The following PIBF1 variants were observed in gnomAD, a reference collection of about 807,000 sequenced individuals.
PIBF1 encodes progesterone-induced-blocking factor 1.
PIBF1 carries 90 observed loss-of-function variants against 112.5 expected under a neutral mutation model. The ratio of observed to expected loss-of-function variants is 0.80; its 90% CI spans 0.67 to 0.95. PIBF1 has a LOEUF of 0.95. Ranked by LOEUF, PIBF1 falls within the 40% of genes least tolerant of loss-of-function variation. The pLI, the probability that PIBF1 is intolerant of heterozygous loss-of-function variation, is 0.00. For synonymous variants in PIBF1, 301 were observed against 288.6 expected, an observed-to-expected ratio of 1.04 and a Z score of -0.44; for missense variants, 915 against 852.3, an observed-to-expected ratio of 1.07 and a Z score of -0.92.
chr13:72,927,958 T>TAC (rs1375603165), intron 13 of PIBF1, among the ~76,000 whole-genome samples: 1 of 73,088 alleles, frequency 1.4e-5, no homozygotes, highest in African/African-American at 5.7e-5. Flanking sequence ...TATATATATA[T>TAC]ACACATATAT....
rs186948777 is a variant in PIBF1, at chr13:72,901,037, A to C, written c.1488+7088A>C. ...AACTCCGTCTCAAAACAAAAAGCAA[A>C]AAACAAACAAACAAACAAAAGCTAA... On this transcript the variant is annotated intron_variant, in intron 11 of 17. Transcript: ENST00000326291. 122 of 434,612 alleles carry C rather than the reference A, an allele frequency of 2.8e-4. No individual in the cohort carries two copies. The East Asian group carries it at 6.8e-3, about 24-fold the overall frequency. The allele number at this position is 434,612 out of a possible 1,614,324, so 26.9% of individuals were successfully genotyped here. A position where few individuals can be genotyped will look rare whatever the true frequency, so the allele number is the denominator to read the frequency against.
At chr13:72,951,738 A>G (rs187280972) in intron 14 of PIBF1, among the ~76,000 whole-genome samples, 2 of 152,260 alleles carry the variant, frequency 1.3e-5, no homozygotes, top group East Asian at 3.9e-4. Context: ...TGTGTCTGTC[A>G]TTATATTATC....
intron 8 of PIBF1, among the ~76,000 whole-genome samples, chr13:72,834,126 A>G (rs1166092133): frequency 6.6e-6 from 1 of 152,214 alleles, no homozygotes; most frequent in Non-Finnish European, 1.5e-5. Flanking sequence ...ATATTTTGGA[A>G]GAAAATCTCA....
intron 5 of PIBF1, among the ~76,000 whole-genome samples, chr13:72,818,341 C>A (rs528805665): frequency 1.4e-4 from 22 of 152,226 alleles, no homozygotes; most frequent in African/African-American, 5.3e-4. Flanking sequence ...GTCTTCCTTT[C>A]CACTTCAGCT....
intron 10 of PIBF1, among the ~76,000 whole-genome samples, chr13:72,883,843 C>CA (rs2039738679): frequency 6.6e-6 from 1 of 152,150 alleles, no homozygotes; most frequent in Non-Finnish European, 1.5e-5. Context: ...TCTGTAATCC[C>CA]AGCACTTTGG....
At chr13:72,816,401 A>C (rs2036275946) in intron 5 of PIBF1, among the ~76,000 whole-genome samples, 1 of 152,052 alleles carries the variant, frequency 6.6e-6, no homozygotes, top group Non-Finnish European at 1.5e-5. Context: ...CCACTTTGGG[A>C]GGCTATAATC....
At chr13:72,810,058 C>T (rs1015051519) in intron 5 of PIBF1, among the ~76,000 whole-genome samples, 4 of 152,052 alleles carry the variant, frequency 2.6e-5, no homozygotes, top group African/African-American at 9.7e-5. Flanking sequence ...ACTTCAAGTC[C>T]GGAGTTTATT....
chr13:72,990,540 A>C (rs2043444555), intron 16 of PIBF1, among the ~76,000 whole-genome samples: 1 of 142,040 alleles, frequency 7.0e-6, no homozygotes, highest in South Asian at 2.2e-4. Flanking sequence ...AAAAAAAAAA[A>C]AAAAAACCTT....
At chr13:72,819,628 T>G (rs945463522) in intron 5 of PIBF1, among the ~76,000 whole-genome samples, 7 of 152,060 alleles carry the variant, frequency 4.6e-5, no homozygotes, top group African/African-American at 1.7e-4. Context: ...GTTTTTTTCA[T>G]CTGTGAAACT....
At chr13:72,900,272 C>G (rs2040435068) in intron 11 of PIBF1, among the ~76,000 whole-genome samples, 1 of 152,048 alleles carries the variant, frequency 6.6e-6, no homozygotes, top group African/African-American at 2.4e-5. Flanking sequence ...CATGTGGAAT[C>G]AAAAAAGAAC....
chr13:72,893,589 A>G (rs867262791), intron 10 of PIBF1, among the ~76,000 whole-genome samples, 195 bp from the exon 11 acceptor site: 38 of 152,286 alleles, frequency 2.5e-4, no homozygotes, highest in Admixed American at 8.5e-4. Flanking sequence ...GTGAAAGTTA[A>G]TTGATATGTT....
At chr13:72,952,413 T>G (rs1461825664) in intron 14 of PIBF1, among the ~76,000 whole-genome samples, 1 of 152,054 alleles carries the variant, frequency 6.6e-6, no homozygotes, top group Admixed American at 6.6e-5. Flanking sequence ...GAGTAACTTA[T>G]TAGTCAGCCT....
chr13:72,959,041 C>T lies in PIBF1; in HGVS notation c.1834-6233C>T, dbSNP rs192117275. 3.3e-5 allele frequency among the ~76,000 whole-genome samples: 5 copies of T among 152,248 alleles called. No individual in the cohort carries two copies. The East Asian group carries it at 7.7e-4, about 24-fold the overall frequency. ...TGAGACAGAGTCTTCCTCTGTCACC[C>T]GGGCTGGAGTGCAGTGGCGTGATCT... On this transcript the variant is annotated intron_variant, in intron 14 of 17. Transcript: ENST00000326291.
intron 14 of PIBF1, among the ~76,000 whole-genome samples, chr13:72,943,768 C>G (rs991168598): frequency 3.9e-5 from 6 of 152,124 alleles, no homozygotes; most frequent in South Asian, 2.1e-4. Context: ...GTTGACATGC[C>G]CCAGGGTTCT....
intron 16 of PIBF1, among the ~76,000 whole-genome samples, chr13:72,976,953 G>C (rs2043037709): frequency 1.3e-5 from 2 of 152,240 alleles, no homozygotes; most frequent in East Asian, 1.9e-4. Flanking sequence ...CCTACTCTCA[G>C]AGTGGGCAAA....
At chr13:72,912,075 T>C (rs533334656) in intron 12 of PIBF1, among the ~76,000 whole-genome samples, 34 of 152,068 alleles carry the variant, frequency 2.2e-4, no homozygotes, top group Non-Finnish European at 4.4e-4. Flanking sequence ...AAGATGTCCA[T>C]GTCCTCATCT....
chr13:72,805,350 G>A (rs2138025614), intron 5 of PIBF1, among the ~76,000 whole-genome samples: 1 of 152,242 alleles, frequency 6.6e-6, no homozygotes, highest in Admixed American at 6.5e-5. Flanking sequence ...CACCATGTTA[G>A]CCAGGATGGT....
At chr13:72,916,553 A>T (rs1006946946) in intron 12 of PIBF1, among the ~76,000 whole-genome samples, 4 of 151,834 alleles carry the variant, frequency 2.6e-5, no homozygotes, top group African/African-American at 9.7e-5. Context: ...TTTTCACATA[A>T]TTTTTTTACA....
rs190312858 is a variant in PIBF1 at position 73,006,595 on chromosome 13, T to C, written c.2223+7600T>C. 4.6e-5 allele frequency among the ~76,000 whole-genome samples: 7 copies of C among 152,288 alleles called. 1 individual carries two copies. In the East Asian group the frequency reaches 1.4e-3, roughly 29 times the overall value. ...ACAAAGTAATGATATCTACCAGACA[T>C]AGATTTTTTTTCCTTAGAGAAGTGG... On this transcript the variant is annotated intron_variant, in intron 17 of 17. Transcript: ENST00000326291.
Sources: allele counts gnomAD v4.1 joint callset (sites outside exome capture counted in the v4.1 genomes callset), GRCh38; gene constraint gnomAD v4.1.1; transcripts MANE v1.5; gene names NCBI Gene and HGNC (gene_info 2026-07-23, HGNC 2026-07-21).